Variants in RBM34 observed in about 807,000 individuals in gnomAD.
RBM34 encodes RNA binding motif protein 34, also known as RNA-binding protein 34.
Under a neutral mutation model 44.6 loss-of-function variants are expected in RBM34, and 39 were observed. The ratio of observed to expected loss-of-function variants is 0.87; its 90% CI spans 0.68 to 1.14. RBM34 has a LOEUF of 1.14. RBM34 is among the 50% of genes most tolerant of loss of function. The pLI, the probability that RBM34 is intolerant of heterozygous loss-of-function variation, is 0.00. For missense variants in RBM34, 572 were observed against 517.9 expected (o/e 1.10, Z -1.01); for synonymous variants, 194 against 184.0 (o/e 1.05, Z -0.44).
intron 10 of RBM34, among the ~76,000 whole-genome samples, chr1:235,134,278 CCTCCT>C (rs1661324141): frequency 6.6e-6 from 1 of 152,144 alleles, no homozygotes; most frequent in African/African-American, 2.4e-5. Context: ...CCTGCCTTGG[CCTCCT>C]AAAGTGGTGG....
chr1:235,131,919 C>T lies in RBM34; in HGVS notation c.1087G>A (p.Val363Ile), dbSNP rs776388084. The T allele has an allele frequency of 8.7e-6, 14 of 1,613,358 alleles. No homozygotes were observed. The South Asian group carries it at 1.4e-4, about 16-fold the overall frequency. ...TGTTGTTTAAATTTTTCTTTATTAACAGAACGCATGACTCTGAGTTTTCTC... is the reference window on the plus strand; with the variant it reads ...TGTTGTTTAAATTTTTCTTTATTAATAGAACGCATGACTCTGAGTTTTCTC... ...MGRKLRVMRS[V>I]NKEKFKQQNS... is the part of the protein sequence containing the mutation. The change falls in exon 11 of 11, where the codon GTT becomes ATT. Residue 363 changes from valine to isoleucine, a missense_variant. Transcript: ENST00000408888.
chr1:235,140,384 GGCCGGCCCTGCAGGCCCT>G (rs1190703640), intron 6 of RBM34, among the ~76,000 whole-genome samples: 1 of 152,074 alleles, frequency 6.6e-6, no homozygotes. Flanking sequence ...CGGAGCAGCC[GGCCGGCCCTGCAGGCCCT>G]GCCGGCCCCG....
In RBM34 at chr1:235,148,599, T is replaced by C. The variant is rs1572157814; in HGVS notation, c.658-152A>G. On this transcript the variant is annotated intron_variant, in intron 5 of 10. Transcript: ENST00000408888. The stretch of plus-strand genomic sequence containing the variant: ...AAATCAGAAACAACTGTCCTAATTT[T>C]TTTTTTTTTTTCCTGTTGAGATGGA... 4.9e-5 allele frequency: 24 copies of C among 493,344 alleles called. No homozygotes were observed. The East Asian group carries it at 1.0e-3, about 21-fold the overall frequency. The allele number at this position is 493,344 out of a possible 1,614,324, so 30.6% of individuals were successfully genotyped here.
intron 5 of RBM34, among the ~76,000 whole-genome samples, chr1:235,150,506 A>G (rs1229990027): frequency 6.6e-6 from 1 of 152,224 alleles, no homozygotes; most frequent in African/African-American, 2.4e-5. Context: ...TTTTAGCCAC[A>G]TACTGAAAAA....
intron 6 of RBM34, 59 bp downstream of exon 6, chr1:235,148,345 T>G: frequency 7.3e-7 from 1 of 1,364,606 alleles, no homozygotes; most frequent in Non-Finnish European, 1.0e-6. Context: ...ATGGTCTCAC[T>G]TTTTAGCCAA....
In RBM34 at chr1:235,134,821, C is replaced by T. The variant is rs140469423; in HGVS notation, c.1008+831G>A. On this transcript the variant is annotated intron_variant, in intron 10 of 10. Transcript: ENST00000408888. Reference sequence around the variant, plus strand: ...GTGCAATGGAGCAATCTCGGCTCACCGCAACCTCTGCCTCCCGGGTTCAAG... The same window carrying T: ...GTGCAATGGAGCAATCTCGGCTCACTGCAACCTCTGCCTCCCGGGTTCAAG... Among the ~76,000 whole-genome samples the T allele has an allele frequency of 6.7e-4, 100 of 150,168 alleles. 4 individuals carry two copies. In the East Asian group the frequency reaches 0.02, roughly 29 times the overall value.
chr1:235,137,793 C>T (rs1661488671), intron 8 of RBM34, 84 bp downstream of exon 8: 1 of 1,083,662 alleles, frequency 9.2e-7, no homozygotes, highest in Non-Finnish European at 1.3e-6. Context: ...ATTGCTGATT[C>T]CAGTCCCCTT....
chr1:235,155,866 T>TATATATAC (rs1484124143), intron 3 of RBM34, among the ~76,000 whole-genome samples: 15 of 34,286 alleles, frequency 4.4e-4, no homozygotes, highest in South Asian at 1.4e-3. Context: ...TATATATATA[T>TATATATAC]ACATATATAC....
intron 5 of RBM34, among the ~76,000 whole-genome samples, chr1:235,149,358 C>A (rs1440069964): frequency 8.8e-5 from 12 of 136,588 alleles, no homozygotes; most frequent in African/African-American, 3.4e-4. Flanking sequence ...CACTGCACTC[C>A]AGCCTGGGCG....
rs372954218 is a variant in RBM34, at chr1:235,148,395, T to A, written c.701+9A>T. On this transcript the variant is annotated intron_variant, in intron 6 of 10. Transcript: ENST00000408888. ...TAAGGTGACTCCCTTTCTCTAATTATAAACTTACTTTATTGCTGCCAACTT... is the reference window on the plus strand; with the variant it reads ...TAAGGTGACTCCCTTTCTCTAATTAAAAACTTACTTTATTGCTGCCAACTT... The A allele has an allele frequency of 9.4e-6, 15 of 1,588,992 alleles. No individual in the cohort carries two copies. Among genetic ancestry groups the A allele is most frequent in the Non-Finnish European group, 1.2e-5 (14 of 1,167,516 alleles).
At position 235,153,148 on chromosome 1, in the gene RBM34, G is replaced by C. The variant is rs151235057; in HGVS notation, c.598-383C>G. ...GCCTCTTCAAGTGCTGGGATTACAG[G>C]CATGAGCCACCGCACCCGGCCTACT... is the stretch of plus-strand genomic sequence containing the variant. On this transcript the variant is annotated intron_variant, in intron 4 of 10. Transcript: ENST00000408888. 3.3e-3 allele frequency among the ~76,000 whole-genome samples: 495 copies of C among 152,078 alleles called. 4 individuals are homozygous for C. Among genetic ancestry groups the C allele is most frequent in the African/African-American group, 0.011 (458 of 41,468 alleles).
At position 235,148,441 on chromosome 1, in the gene RBM34, C is replaced by T; in HGVS notation, c.664G>A (p.Ala222Thr). The T allele has an allele frequency of 6.3e-7, 1 of 1,588,758 alleles. No homozygotes were observed. Among genetic ancestry groups the T allele is most frequent in the Non-Finnish European group, 8.6e-7 (1 of 1,169,432 alleles). The change falls in exon 6 of 11, where the codon GCA (alanine) becomes ACA (threonine). Residue 222 changes from alanine to threonine, a missense_variant. Ala to Thr is a moderately conservative substitution (Grantham distance 58). Transcript: ENST00000408888. Reference protein sequence around the residue: ...ESVRFRSLIPAEGTLSKKLAA... With the variant: ...ESVRFRSLIPTEGTLSKKLAA... Reference sequence around the variant, plus strand: ...AACTTTTTGGATAGCGTTCCCTCTGCTGGAATCTTTCAAGAGAAAAAAAAA... The same window carrying T: ...AACTTTTTGGATAGCGTTCCCTCTGTTGGAATCTTTCAAGAGAAAAAAAAA...
intron 5 of RBM34, among the ~76,000 whole-genome samples, chr1:235,150,933 G>A (rs71640624): frequency 2.2e-4 from 33 of 152,256 alleles, no homozygotes; most frequent in African/African-American, 7.5e-4. Context: ...TGTGTGTGTG[G>A]CGGCTGGGGG....
At chr1:235,138,952 C>T (rs1661558549) in intron 6 of RBM34, among the ~76,000 whole-genome samples, 1 of 152,214 alleles carries the variant, frequency 6.6e-6, no homozygotes. Flanking sequence ...AAACTGGCAG[C>T]TGCATCAAAA....
chr1:235,144,436 G>T (rs908476995), intron 6 of RBM34, among the ~76,000 whole-genome samples: 36 of 142,344 alleles, frequency 2.5e-4, no homozygotes, highest in Admixed American at 1.8e-3. Flanking sequence ...GCCTACATAT[G>T]TTAAAATTAT....
chr1:235,138,520 C>T (rs1034606963), intron 6 of RBM34, among the ~76,000 whole-genome samples: 3 of 152,182 alleles, frequency 2.0e-5, no homozygotes, highest in Non-Finnish European at 4.4e-5. Context: ...TTGTGAAAGA[C>T]GTGAGTTTTC....
chr1:235,154,828 C>T (rs1662323529), intron 4 of RBM34, 53 bp downstream of exon 4: 17 of 1,404,826 alleles, frequency 1.2e-5, no homozygotes, highest in Non-Finnish European at 1.7e-5. Context: ...TTATTCAACA[C>T]AGGAAGAACA....
At position 235,161,032 on chromosome 1, in the gene RBM34, G is replaced by A. The variant is rs1234350078; in HGVS notation, c.89C>T (p.Pro30Leu). ...NPDDGVRGSP[P>L]EDYRLGQVAS... is the part of the protein sequence containing the mutation. ...GACCTGTCCAAGCCTGTAGTCTTCC[G>A]GCGGACTCCCGCGAACGCCGTCGTC... The change falls in exon 2 of 11, where the codon CCG (proline) becomes CTG (leucine). Residue 30 changes from proline (P) to leucine (L), a missense_variant. By Grantham distance (98) the Pro-to-Leu change is moderately conservative. Transcript: ENST00000408888. The A allele has an allele frequency of 3.7e-6, 6 of 1,613,908 alleles. No individual in the cohort carries two copies. The highest frequency in any genetic ancestry group is 5.1e-6 in the Non-Finnish European group (6 of 1,179,882).
Position 235,143,856 on chromosome 1 carries a change from G to A in RBM34, c.701+4548C>T, listed in dbSNP as rs537281185. The stretch of plus-strand genomic sequence containing the variant: ...GGGAATACTACTGAGCAATAAAAAC[G>A]AATTAATTACCAATGCATTGCAATA... On this transcript the variant is annotated intron_variant, in intron 6 of 10. Transcript: ENST00000408888. Among the ~76,000 whole-genome samples the A allele has an allele frequency of 1.6e-4, 24 of 152,176 alleles. No homozygotes were observed. In the South Asian group the frequency reaches 4.8e-3, roughly 30 times the overall value.
Sources: gnomAD v4.1 joint callset for allele counts (sites outside exome capture counted in the v4.1 genomes callset) on GRCh38, gnomAD v4.1.1 for gene constraint, MANE v1.5 for transcripts, NCBI Gene and HGNC (gene_info 2026-07-23, HGNC 2026-07-21) for gene names.